ADGRV1: variants seen among roughly 807,000 people sequenced by gnomAD.
ADGRV1 encodes the protein adhesion G protein-coupled receptor V1.
Under a neutral mutation model 596.2 loss-of-function variants are expected in ADGRV1, and 359 were observed. That is an observed-to-expected ratio of 0.60 (90% CI 0.55 to 0.66). The LOEUF (loss-of-function observed/expected upper bound fraction) is 0.66, where lower values mean the gene tolerates loss of function less well. Ranked by LOEUF, ADGRV1 falls within the 30% of genes least tolerant of loss-of-function variation. The probability of loss-of-function intolerance (pLI) is 0.00; values close to 1 mark genes in which losing one functional copy is unlikely to be tolerated. For missense variants in ADGRV1, 7,274 were observed against 7,575.6 expected (o/e 0.96, Z 1.48); for synonymous variants, 2,681 against 2,679.2 (o/e 1.00, Z -0.02).
chr5:90,950,673 C>G (rs939926233), intron 83 of ADGRV1, among the ~76,000 whole-genome samples: 3 of 151,934 alleles, frequency 2.0e-5, no homozygotes, highest in Admixed American at 6.5e-5. Flanking sequence ...ACCAATTATA[C>G]AGGATAAAGA....
At chr5:90,630,768 C>G (rs1345574874) in intron 9 of ADGRV1, among the ~76,000 whole-genome samples, 1 of 152,026 alleles carries the variant, frequency 6.6e-6, no homozygotes, top group South Asian at 2.1e-4. Context: ...TTTATTATTC[C>G]TTTCTCTGGA....
At chr5:91,029,809 C>A (rs1168039259) in intron 85 of ADGRV1, among the ~76,000 whole-genome samples, 1 of 151,910 alleles carries the variant, frequency 6.6e-6, no homozygotes, top group Non-Finnish European at 1.5e-5. Flanking sequence ...ATGAAGTATT[C>A]AAGTTTGATA....
At chr5:90,599,481 G>A (rs1302870123) in intron 1 of ADGRV1, among the ~76,000 whole-genome samples, 3 of 152,090 alleles carry the variant, frequency 2.0e-5, no homozygotes, top group Non-Finnish European at 2.9e-5. Context: ...TACTTCTAGA[G>A]GGTACTTAAC....
chr5:91,064,092 A>G (rs1355245092), intron 85 of ADGRV1, among the ~76,000 whole-genome samples: 2 of 152,078 alleles, frequency 1.3e-5, no homozygotes, highest in Admixed American at 1.3e-4. Flanking sequence ...GAAATACAGG[A>G]TTTTCTATGC....
chr5:91,041,260 G>A (rs2151274718), intron 85 of ADGRV1, among the ~76,000 whole-genome samples: 1 of 152,242 alleles, frequency 6.6e-6, no homozygotes, highest in East Asian at 1.9e-4. Flanking sequence ...GTGATAGACT[G>A]GATAAAGAAA....
At chr5:90,758,356 C>T (rs1032912765) in intron 57 of ADGRV1, among the ~76,000 whole-genome samples, 2 of 151,996 alleles carry the variant, frequency 1.3e-5, no homozygotes, top group Admixed American at 6.6e-5. Flanking sequence ...AACAAAAAAC[C>T]GGAATGCAAG....
chr5:90,756,980 G>A lies in ADGRV1; in HGVS notation c.11759G>A (p.Gly3920Asp), dbSNP rs774467824. Residue 3920 changes from glycine (G) to aspartate (D), a missense_variant and splice_region_variant, in exon 57 of 90, where the codon GGC (glycine) becomes GAC (aspartate). Around this residue, in one of 5 missense-constraint regions of ADGRV1, gnomAD observed 3,643 missense variants for 3,809.2 expected, o/e 0.96. Coordinates refer to ENST00000405460, the MANE Select transcript of ADGRV1 (RefSeq NM_032119.4). The stretch of plus-strand genomic sequence containing the variant: ...TTCAATTATATTCTTTACTTAAAGG[G>A]CGCTGGGGAAGTTATTACTGCCTAT... ...RGIFMFHVTR[G>D]AGEVITAYEV... 3 of 1,594,264 alleles carry A rather than the reference G, an allele frequency of 1.9e-6. No homozygotes were observed. The highest frequency in any genetic ancestry group is 2.6e-6 in the Non-Finnish European group (3 of 1,170,098).
intron 83 of ADGRV1, among the ~76,000 whole-genome samples, chr5:90,941,470 C>T (rs956522954): frequency 2.6e-5 from 4 of 152,194 alleles, no homozygotes; most frequent in Non-Finnish European, 5.9e-5. Context: ...CTTTCAAGCT[C>T]ATCATTGTCA....
Position 90,763,387 on chromosome 5 carries a change from G to A in ADGRV1, c.12203G>A (p.Gly4068Glu), listed in dbSNP as rs1561680577. ...GTTGTCCGGTCCCCAGGAGGAAAAG[G>A]AACCGTCCGACTTGAGTGGACCATA... ...LTVVRSPGGKGTVRLEWTIDE... is the reference protein window; with the variant it reads ...LTVVRSPGGKETVRLEWTIDE... The change falls in exon 59 of 90, where the codon GGA becomes GAA. Residue 4068 changes from glycine to glutamate, a missense_variant. Coordinates refer to ENST00000405460, the MANE Select transcript of ADGRV1 (RefSeq NM_032119.4). 3.1e-6 allele frequency: 5 copies of A among 1,613,382 alleles called. No homozygotes were observed. Among genetic ancestry groups the A allele is most frequent in the Non-Finnish European group, 4.2e-6 (5 of 1,179,528 alleles).
intron 1 of ADGRV1, among the ~76,000 whole-genome samples, chr5:90,572,630 TCACACA>T (rs1162468470): frequency 6.6e-6 from 1 of 152,118 alleles, no homozygotes; most frequent in Non-Finnish European, 1.5e-5. Context: ...GCACACATGC[TCACACA>T]CGCACACGCA....
At chr5:91,074,206 C>T (rs191494984) in intron 86 of ADGRV1, among the ~76,000 whole-genome samples, 6 of 152,074 alleles carry the variant, frequency 3.9e-5, no homozygotes, top group East Asian at 3.9e-4. Context: ...GGTATATGTG[C>T]ATGTTTATTA....
At chr5:90,849,164 A>G (rs902521526) in intron 79 of ADGRV1, among the ~76,000 whole-genome samples, 1 of 152,190 alleles carries the variant, frequency 6.6e-6, no homozygotes, top group Non-Finnish European at 1.5e-5. Context: ...TTGATGTGTT[A>G]TTAATTGTGC....
chr5:90,890,421 C>T (rs1252968815), intron 83 of ADGRV1, among the ~76,000 whole-genome samples: 1 of 152,076 alleles, frequency 6.6e-6, no homozygotes, highest in East Asian at 1.9e-4. Flanking sequence ...ACATTGACTC[C>T]AGAGCTGGAT....
chr5:90,869,716 A>G (rs1768482810), intron 83 of ADGRV1, among the ~76,000 whole-genome samples: 1 of 152,148 alleles, frequency 6.6e-6, no homozygotes, highest in African/African-American at 2.4e-5. Context: ...TGCAAATTTT[A>G]TTTACTAAAC....
At chr5:91,108,259 A>T (rs1022293459) in intron 87 of ADGRV1, among the ~76,000 whole-genome samples, 3 of 152,198 alleles carry the variant, frequency 2.0e-5, no homozygotes, top group Non-Finnish European at 4.4e-5. Context: ...ACATAGTATT[A>T]ACAGTAAGAT....
chr5:90,913,922 G>C (rs1346642017), intron 83 of ADGRV1, among the ~76,000 whole-genome samples: 1 of 152,106 alleles, frequency 6.6e-6, no homozygotes, highest in Non-Finnish European at 1.5e-5. Context: ...TGAATATTGT[G>C]CTATAATGTT....
At chr5:90,843,757 C>A (rs569075663) in intron 78 of ADGRV1, among the ~76,000 whole-genome samples, 1 of 152,022 alleles carries the variant, frequency 6.6e-6, no homozygotes, top group Non-Finnish European at 1.5e-5. Context: ...TGCAAATACA[C>A]GTGTGATGAG....
intron 85 of ADGRV1, among the ~76,000 whole-genome samples, chr5:91,027,854 A>C (rs1207838788): frequency 6.6e-6 from 1 of 152,118 alleles, no homozygotes; most frequent in African/African-American, 2.4e-5. Context: ...GGTAGTATAA[A>C]TACTGAATCT....
At chr5:90,891,376 T>C (rs1199680876) in intron 83 of ADGRV1, among the ~76,000 whole-genome samples, 1 of 151,286 alleles carries the variant, frequency 6.6e-6, no homozygotes, top group African/African-American at 2.4e-5. Context: ...AAATATCACC[T>C]TCCTATAGAT....
Sources: allele counts gnomAD v4.1 joint callset (sites outside exome capture counted in the v4.1 genomes callset), GRCh38; gene constraint gnomAD v4.1.1; regional missense constraint gnomAD v4.1.1; transcripts MANE v1.5; gene names NCBI Gene and HGNC (gene_info 2026-07-23, HGNC 2026-07-21).